PDE4B: variants seen among roughly 807,000 people sequenced by gnomAD.
PDE4B encodes the protein phosphodiesterase 4B.
Under a neutral mutation model 82.2 loss-of-function variants are expected in PDE4B, and 20 were observed. The observed-to-expected ratio is 0.24, with a 90% CI of 0.17 to 0.35. The LOEUF (loss-of-function observed/expected upper bound fraction) is 0.35, where lower values mean the gene tolerates loss of function less well. PDE4B is among the 10% of genes least tolerant of loss of function. PDE4B has a pLI of 1.00. For missense variants in PDE4B, 655 were observed against 907.2 expected (o/e 0.72, Z 3.57); for synonymous variants, 320 against 318.9 (o/e 1.00, Z -0.04).
chr1:66,115,888 A>G (rs1218734737), intron 3 of PDE4B, among the ~76,000 whole-genome samples: 2 of 151,962 alleles, frequency 1.3e-5, no homozygotes, highest in African/African-American at 2.4e-5. Context: ...AACTTATTTG[A>G]CTCCTGTTTT....
At chr1:65,983,519 G>T (rs956641309) in intron 3 of PDE4B, among the ~76,000 whole-genome samples, 1 of 152,144 alleles carries the variant, frequency 6.6e-6, no homozygotes, top group African/African-American at 2.4e-5. Context: ...TTAAAATAAG[G>T]TCATTAAGGT....
chr1:66,330,847 T>C, intron 7 of PDE4B: 1 of 934,036 alleles, frequency 1.1e-6, no homozygotes, highest in Non-Finnish European at 1.3e-6. Flanking sequence ...AAGGTATGTG[T>C]AAGTCTGGCT....
intron 3 of PDE4B, among the ~76,000 whole-genome samples, chr1:66,151,297 T>G (rs1480455361): frequency 6.6e-6 from 1 of 152,178 alleles, no homozygotes; most frequent in Non-Finnish European, 1.5e-5. Context: ...CCCCATTGCC[T>G]ACATGTTAAA....
At chr1:66,016,798 C>G (rs1557499907) in intron 3 of PDE4B, among the ~76,000 whole-genome samples, 3 of 152,124 alleles carry the variant, frequency 2.0e-5, no homozygotes, top group African/African-American at 7.2e-5. Context: ...CACTTATAAC[C>G]AAAAGGGCTT....
At chr1:66,183,420 G>T (rs1048420609) in intron 3 of PDE4B, among the ~76,000 whole-genome samples, 2 of 152,076 alleles carry the variant, frequency 1.3e-5, no homozygotes, top group Non-Finnish European at 2.9e-5. Context: ...TTTTTCATCT[G>T]CTGGGCAATT....
At chr1:65,965,005 G>A (rs1348986979) in intron 3 of PDE4B, among the ~76,000 whole-genome samples, 1 of 152,096 alleles carries the variant, frequency 6.6e-6, no homozygotes, top group Non-Finnish European at 1.5e-5. Flanking sequence ...GGCTGTTTTA[G>A]TTACAGGAGA....
chr1:65,982,949 C>T (rs1650762551), intron 3 of PDE4B, among the ~76,000 whole-genome samples: 1 of 152,184 alleles, frequency 6.6e-6, no homozygotes, highest in Non-Finnish European at 1.5e-5. Flanking sequence ...AATAGGACCA[C>T]CTCCTTGGTT....
intron 1 of PDE4B, among the ~76,000 whole-genome samples, chr1:65,850,414 G>A (rs1364229346): frequency 1.3e-5 from 2 of 152,076 alleles, no homozygotes; most frequent in Non-Finnish European, 2.9e-5. Context: ...ACTTTTTGTA[G>A]TGAATTTGTA....
intron 1 of PDE4B, among the ~76,000 whole-genome samples, chr1:65,889,291 T>C (rs905344215): frequency 6.6e-6 from 1 of 152,272 alleles, no homozygotes; most frequent in Middle Eastern, 3.4e-3. Context: ...TCCCACTTGA[T>C]CATGGTGTAT....
At chr1:65,929,930 A>G (rs1647737222) in intron 3 of PDE4B, among the ~76,000 whole-genome samples, 1 of 152,216 alleles carries the variant, frequency 6.6e-6, no homozygotes, top group Non-Finnish European at 1.5e-5. Context: ...AACTAATGAA[A>G]GAACTCCATT....
Position 65,926,746 on chromosome 1 carries a change from G to T in PDE4B, c.281+7911G>T, listed in dbSNP as rs567138318. The stretch of plus-strand genomic sequence containing the variant: ...TGCTTTCTCTTGCTACTTGATCTAG[G>T]TATTGTTAATTATCCACGGATGAGG... On this transcript the variant is annotated intron_variant, in intron 3 of 16. Coordinates refer to ENST00000341517, the MANE Select transcript of PDE4B (RefSeq NM_002600.4). Among the ~76,000 whole-genome samples the T allele has an allele frequency of 1.5e-4, 23 of 151,620 alleles. No individual in the cohort carries two copies. In the South Asian group the frequency reaches 4.4e-3, roughly 29 times the overall value.
chr1:66,280,957 A>G (rs1490134150), intron 7 of PDE4B, among the ~76,000 whole-genome samples: 5 of 152,198 alleles, frequency 3.3e-5, no homozygotes, highest in Admixed American at 6.5e-5. Context: ...CATCGTCACC[A>G]GGGTGTACAT....
intron 3 of PDE4B, among the ~76,000 whole-genome samples, chr1:66,008,925 C>T (rs1458779393): frequency 1.3e-5 from 2 of 152,050 alleles, no homozygotes; most frequent in Non-Finnish European, 2.9e-5. Context: ...TATAATAACT[C>T]CCTAGGCCAA....
At chr1:66,153,925 T>C (rs545332413) in intron 3 of PDE4B, among the ~76,000 whole-genome samples, 83 of 152,362 alleles carry the variant, frequency 5.4e-4, no homozygotes, top group African/African-American at 2.0e-3. Context: ...GTTGCTAAGA[T>C]GCCTGATATA....
At chr1:65,977,699 A>G (rs950496095) in intron 3 of PDE4B, among the ~76,000 whole-genome samples, 2 of 152,226 alleles carry the variant, frequency 1.3e-5, no homozygotes, top group East Asian at 3.8e-4. Flanking sequence ...TCTAATCTTC[A>G]GAAACTCACT....
At chr1:66,011,540 A>G (rs1479582375) in intron 3 of PDE4B, among the ~76,000 whole-genome samples, 1 of 152,108 alleles carries the variant, frequency 6.6e-6, no homozygotes, top group Admixed American at 6.6e-5. Context: ...TTTTATTTGT[A>G]GGGCATTATG....
intron 7 of PDE4B, chr1:66,330,757 G>A (rs1660045455): frequency 1.0e-6 from 1 of 985,200 alleles, no homozygotes; most frequent in African/African-American, 1.7e-5. Flanking sequence ...GCAAGGGGTT[G>A]TTTCGGACAC....
At chr1:65,906,910 G>T (rs1647033356) in intron 1 of PDE4B, among the ~76,000 whole-genome samples, 1 of 152,034 alleles carries the variant, frequency 6.6e-6, no homozygotes, top group South Asian at 2.1e-4. Flanking sequence ...GTTACTTATT[G>T]TTCTCTCAGG....
intron 3 of PDE4B, among the ~76,000 whole-genome samples, chr1:66,125,301 T>A (rs1341980692): frequency 2.0e-5 from 3 of 151,870 alleles, no homozygotes; most frequent in Non-Finnish European, 4.4e-5. Flanking sequence ...GTAGATGGGA[T>A]TACAAGTGCC....
Sources: allele counts gnomAD v4.1 joint callset (sites outside exome capture counted in the v4.1 genomes callset), GRCh38; gene constraint gnomAD v4.1.1; transcripts MANE v1.5; gene names NCBI Gene and HGNC (gene_info 2026-07-23, HGNC 2026-07-21).